LPP: variants seen among roughly 807,000 people sequenced by gnomAD.
LPP encodes lipoma-preferred partner.
Under a neutral mutation model 60.4 loss-of-function variants are expected in LPP, and 38 were observed. That is an observed-to-expected ratio of 0.63 (90% CI 0.49 to 0.83). LPP has a LOEUF of 0.83. Ranked by LOEUF, LPP falls within the 40% of genes least tolerant of loss-of-function variation. The pLI, the probability that LPP is intolerant of heterozygous loss-of-function variation, is 0.00. For missense variants in LPP, 902 were observed against 783.6 expected (o/e 1.15, Z -1.80); for synonymous variants, 328 against 290.8 (o/e 1.13, Z -1.30).
At position 188,484,596 on chromosome 3, in the gene LPP, T is replaced by C; in HGVS notation, c.198T>C (p.Asp66=). ...TTGTTTACTTCTTTTCTGTAGGTGA[T>C]TTTCTTCCACCCCCACCTCCACCTC... ...NPYKQPGGEG[D]FLPPPPPPLD... is the part of the protein sequence containing the mutation. Residue 66 remains aspartate (D), a synonymous_variant, in exon 5 of 12, where the codon GAT becomes GAC. Transcript: ENST00000617246. The C allele has an allele frequency of 6.2e-7, 1 of 1,610,854 alleles. No individual in the cohort carries two copies. Among genetic ancestry groups the C allele is most frequent in the Non-Finnish European group, 8.5e-7 (1 of 1,177,390 alleles).
At chr3:188,208,360 A>G (rs532253986) in intron 1 of LPP, 1 of 152,338 alleles carries the variant, frequency 6.6e-6, no homozygotes, top group South Asian at 2.1e-4. Flanking sequence ...CCTGCTGCCC[A>G]CTGCTAGGGA....
Position 188,258,300 on chromosome 3 carries a change from G to A in LPP, c.-67+32773G>A, listed in dbSNP as rs76199408. Among the ~76,000 whole-genome samples the A allele has an allele frequency of 1.9e-4, 29 of 152,290 alleles. No individual in the cohort carries two copies. In the East Asian group the frequency reaches 3.1e-3, roughly 16 times the overall value. On this transcript the variant is annotated intron_variant, in intron 2 of 11. Coordinates refer to ENST00000617246, the MANE Select transcript of LPP (RefSeq NM_001375462.1). Reference sequence around the variant, plus strand: ...AACAGTGACTTTCAACACTGGCTGCGCATTAAAATCACTTGGGGAGGTTTT... The same window carrying A: ...AACAGTGACTTTCAACACTGGCTGCACATTAAAATCACTTGGGGAGGTTTT...
chr3:188,206,390 A>G (rs567150188), intron 1 of LPP, among the ~76,000 whole-genome samples: 1 of 152,140 alleles, frequency 6.6e-6, no homozygotes, highest in Non-Finnish European at 1.5e-5. Context: ...GATTGGTACA[A>G]TATCTGTGCT....
rs183235367 is a variant in LPP at position 188,882,744 on chromosome 3, T to C, written c.*8265T>C. On this transcript the variant is annotated 3_prime_UTR_variant, in exon 12 of 12. Transcript: ENST00000617246. The stretch of plus-strand genomic sequence containing the variant: ...AGATTCATTGCTAAGTGCCAATTCT[T>C]TTTTTTTCTTTTGAGACGGAGTCTT... The C allele has an allele frequency of 7.8e-3, 1,513 of 192,924 alleles. 10 individuals are homozygous for C. Among genetic ancestry groups the C allele is most frequent in the Non-Finnish European group, 0.012 (1,073 of 92,574 alleles). 12.0% of individuals were successfully genotyped at this position (192,924 alleles called of 1,614,324 possible). A position where few individuals can be genotyped will look rare whatever the true frequency, so the allele number is the denominator to read the frequency against.
chr3:188,524,186 T>C (rs1158966174), intron 5 of LPP, among the ~76,000 whole-genome samples: 1 of 152,182 alleles, frequency 6.6e-6, no homozygotes, highest in Non-Finnish European at 1.5e-5. Flanking sequence ...TAATACCCCC[T>C]GGACCTGAGA....
chr3:188,552,609 T>C (rs541443836), intron 6 of LPP, among the ~76,000 whole-genome samples: 1 of 152,278 alleles, frequency 6.6e-6, no homozygotes, highest in African/African-American at 2.4e-5. Flanking sequence ...CTAGTCATAG[T>C]CATTACCTTT....
chr3:188,792,818 C>G (rs73888903), intron 9 of LPP, among the ~76,000 whole-genome samples: 1 of 152,122 alleles, frequency 6.6e-6, no homozygotes, highest in Non-Finnish European at 1.5e-5. Context: ...TTTTGGAATA[C>G]TGGGAGGCAC....
Position 188,605,635 on chromosome 3 carries a change from C to T in LPP, c.430-3526C>T, listed in dbSNP as rs115269308. Among the ~76,000 whole-genome samples the T allele has an allele frequency of 3.1e-3, 474 of 152,046 alleles. 1 individual carries two copies. Among genetic ancestry groups the T allele is most frequent in the African/African-American group, 0.01 (424 of 41,480 alleles). The stretch of plus-strand genomic sequence containing the variant: ...TTGTGGCCATGGTCCTGGAGACAAT[C>T]GAGAGACAAAAGCAGAGATCTGGTG... On this transcript the variant is annotated intron_variant, in intron 6 of 11. Coordinates refer to ENST00000617246, the MANE Select transcript of LPP (RefSeq NM_001375462.1).
chr3:188,837,953 T>C (rs1490797306), intron 9 of LPP, among the ~76,000 whole-genome samples: 1 of 152,068 alleles, frequency 6.6e-6, no homozygotes, highest in African/African-American at 2.4e-5. Flanking sequence ...CTATCTAGTG[T>C]GGGAAAACGT....
intron 7 of LPP, among the ~76,000 whole-genome samples, chr3:188,612,378 C>T (rs1244750762): frequency 6.6e-6 from 1 of 152,166 alleles, no homozygotes; most frequent in Non-Finnish European, 1.5e-5. Flanking sequence ...TTCTACTGCA[C>T]CTGTGCACAG....
intron 8 of LPP, among the ~76,000 whole-genome samples, chr3:188,748,051 A>G (rs1726850422): frequency 1.3e-5 from 2 of 152,204 alleles, no homozygotes; most frequent in African/African-American, 4.8e-5. Flanking sequence ...TGGATTTTGC[A>G]TGGAAATTTT....
chr3:188,378,472 A>G (rs1170198566), intron 3 of LPP, among the ~76,000 whole-genome samples: 1 of 152,154 alleles, frequency 6.6e-6, no homozygotes, highest in South Asian at 2.1e-4. Context: ...CCGCTGTGCT[A>G]GCAATGAGTG....
chr3:188,720,674 C>T (rs1407665627), intron 8 of LPP, among the ~76,000 whole-genome samples: 1 of 150,774 alleles, frequency 6.6e-6, no homozygotes, highest in Non-Finnish European at 1.5e-5. Context: ...CAATTCTGTT[C>T]CTAAGTCTGA....
intron 1 of LPP, among the ~76,000 whole-genome samples, chr3:188,154,876 A>C (rs1379046067): frequency 6.6e-6 from 1 of 152,132 alleles, no homozygotes; most frequent in Non-Finnish European, 1.5e-5. Context: ...GGCGTGGACA[A>C]AGTTAAAGGA....
In LPP at chr3:188,589,135, T is replaced by C. The variant is rs1838129735; in HGVS notation, c.430-20026T>C. Among the ~76,000 whole-genome samples, 5 of 151,968 alleles carry C rather than the reference T, an allele frequency of 3.3e-5. No homozygotes were observed. The South Asian group carries it at 1.0e-3, about 32-fold the overall frequency. On this transcript the variant is annotated intron_variant, in intron 6 of 11. Transcript: ENST00000617246. ...GGGTGTTTTTTTATATCTATATACA[T>C]ATATATGTACATATATATGTACACA...
intron 8 of LPP, among the ~76,000 whole-genome samples, chr3:188,750,095 C>T: frequency 6.6e-6 from 1 of 152,220 alleles, no homozygotes; most frequent in South Asian, 2.1e-4. Context: ...TTTGTGCTAC[C>T]TCCTCACATG....
chr3:188,459,091 A>G (rs1052433844), intron 4 of LPP, among the ~76,000 whole-genome samples: 1 of 152,166 alleles, frequency 6.6e-6, no homozygotes, highest in Non-Finnish European at 1.5e-5. Flanking sequence ...ATCACTTAGT[A>G]TTCCATTTAT....
intron 3 of LPP, among the ~76,000 whole-genome samples, chr3:188,404,856 G>A (rs1407198020): frequency 1.3e-5 from 2 of 152,188 alleles, no homozygotes; most frequent in Non-Finnish European, 1.5e-5. Flanking sequence ...TCCCTGTGCT[G>A]GAGAGCTCTT....
chr3:188,249,328 T>A (rs1728238488), intron 2 of LPP, among the ~76,000 whole-genome samples: 1 of 151,846 alleles, frequency 6.6e-6, no homozygotes, highest in Non-Finnish European at 1.5e-5. Flanking sequence ...GCCTGGGACA[T>A]CAAGGCTGCC....
Sources: gnomAD v4.1 joint callset for allele counts (sites outside exome capture counted in the v4.1 genomes callset) on GRCh38, gnomAD v4.1.1 for gene constraint, MANE v1.5 for transcripts, NCBI Gene and HGNC (gene_info 2026-07-23, HGNC 2026-07-21) for gene names.